The following IMMP2L variants were observed in gnomAD, a reference collection of about 807,000 sequenced individuals.
The protein encoded by IMMP2L is mitochondrial inner membrane protease subunit 2.
A neutral mutation model predicts 19.3 loss-of-function variants in IMMP2L; 18 were observed. The observed-to-expected ratio is 0.93, with a 90% CI of 0.64 to 1.38. The LOEUF (loss-of-function observed/expected upper bound fraction) is 1.38, where lower values mean the gene tolerates loss of function less well. Ranked by LOEUF, IMMP2L falls within the 40% of genes most tolerant of loss-of-function variation. The probability of loss-of-function intolerance (pLI) is 0.00; values close to 1 mark genes in which losing one functional copy is unlikely to be tolerated. For missense variants in IMMP2L, 233 were observed against 218.2 expected (o/e 1.07, Z -0.43); for synonymous variants, 76 against 73.0 (o/e 1.04, Z -0.21).
rs181618140 is a variant in IMMP2L at position 110,953,331 on chromosome 7, G to A, written c.305+10169C>T. 1.3e-3 allele frequency among the ~76,000 whole-genome samples: 158 copies of A among 121,892 alleles called. 1 individual carries two copies. The highest frequency in any genetic ancestry group is 0.012 in the Middle Eastern group (3 of 248). The allele number at this position is 121,892 out of a possible 152,430, so 80.0% of individuals were successfully genotyped here. A position where few individuals can be genotyped will look rare whatever the true frequency, so the allele number is the denominator to read the frequency against. ...TCCCTCTCCTTGTCCCCCACCCCCC[G>A]ACAGGCCCCAGTGTGTGATGTTCCC... On this transcript the variant is annotated intron_variant, in intron 4 of 5. Coordinates refer to ENST00000405709, the MANE Select transcript of IMMP2L (RefSeq NM_032549.4).
chr7:111,094,592 T>G (rs1296795324), intron 3 of IMMP2L, among the ~76,000 whole-genome samples: 1 of 152,178 alleles, frequency 6.6e-6, no homozygotes, highest in African/African-American at 2.4e-5. Flanking sequence ...ATCTTGTCAG[T>G]GCTGTCAAAG....
chr7:111,342,187 A>C (rs1023206255), intron 3 of IMMP2L, among the ~76,000 whole-genome samples: 6 of 152,198 alleles, frequency 3.9e-5, no homozygotes, highest in Non-Finnish European at 8.8e-5. Context: ...GAGGAAGGTT[A>C]GATTTGACTT....
chr7:111,521,883 C>T (rs1846366077), intron 1 of IMMP2L, among the ~76,000 whole-genome samples: 1 of 152,052 alleles, frequency 6.6e-6, no homozygotes, highest in Non-Finnish European at 1.5e-5. Flanking sequence ...CTAATTGTGA[C>T]CATGTCACTG....
At chr7:110,742,989 T>G (rs1056411322) in intron 5 of IMMP2L, among the ~76,000 whole-genome samples, 1 of 151,542 alleles carries the variant, frequency 6.6e-6, no homozygotes, top group African/African-American at 2.4e-5. Context: ...TCTAGGGAAT[T>G]CTATTAGTGG....
intron 3 of IMMP2L, among the ~76,000 whole-genome samples, chr7:111,120,326 T>C (rs1393854447): frequency 6.6e-6 from 1 of 152,122 alleles, no homozygotes; most frequent in South Asian, 2.1e-4. Flanking sequence ...TCATGGCAGA[T>C]GGCAAAAGGC....
chr7:110,876,689 A>G (rs951008632), intron 5 of IMMP2L, among the ~76,000 whole-genome samples: 4 of 152,094 alleles, frequency 2.6e-5, no homozygotes, highest in African/African-American at 9.7e-5. Context: ...TTTTATTACT[A>G]CCACCTTTGC....
chr7:111,164,160 GAAGGCAGGAAGGCAGA>G (rs1200059589), intron 3 of IMMP2L, among the ~76,000 whole-genome samples: 8 of 151,452 alleles, frequency 5.3e-5, no homozygotes, highest in African/African-American at 1.5e-4. Flanking sequence ...AGGAAGGAAG[GAAGGCAGGAAGGCAGA>G]AAGGCAGGAA....
intron 3 of IMMP2L, among the ~76,000 whole-genome samples, chr7:111,215,716 T>C (rs1036217254): frequency 6.6e-6 from 1 of 152,140 alleles, no homozygotes; most frequent in Non-Finnish European, 1.5e-5. Context: ...AAAACATTAA[T>C]TTTCTCCTCT....
intron 3 of IMMP2L, among the ~76,000 whole-genome samples, chr7:111,165,095 G>A (rs945305033): frequency 3.3e-5 from 5 of 151,978 alleles, no homozygotes; most frequent in South Asian, 2.1e-4. Flanking sequence ...CACATCCGGG[G>A]CCCCTGGCAA....
chr7:111,276,645 A>C (rs538780366), intron 3 of IMMP2L, among the ~76,000 whole-genome samples: 1 of 151,900 alleles, frequency 6.6e-6, no homozygotes, highest in Non-Finnish European at 1.5e-5. Context: ...GGAACCGAAA[A>C]AAAAAAAAAA....
At chr7:110,912,866 A>G (rs1813209392) in intron 4 of IMMP2L, among the ~76,000 whole-genome samples, 1 of 151,930 alleles carries the variant, frequency 6.6e-6, no homozygotes, top group Non-Finnish European at 1.5e-5. Flanking sequence ...AACCCACACT[A>G]TGAGAACTTG....
intron 3 of IMMP2L, among the ~76,000 whole-genome samples, chr7:110,999,875 G>A (rs1238621970): frequency 1.3e-5 from 2 of 152,104 alleles, no homozygotes; most frequent in Non-Finnish European, 2.9e-5. Flanking sequence ...TTTGTGTGGA[G>A]TACTAAAGCA....
chr7:110,762,604 A>G (rs1798416996), intron 5 of IMMP2L, among the ~76,000 whole-genome samples: 2 of 152,068 alleles, frequency 1.3e-5, no homozygotes, highest in South Asian at 4.1e-4. Context: ...CAAGCACCAA[A>G]TATTATTTTT....
rs545080154 is a variant in IMMP2L, at chr7:110,953,938, CAT to C, written c.305+9560_305+9561del. 4.2e-3 allele frequency among the ~76,000 whole-genome samples: 641 copies of C among 152,100 alleles called. 2 individuals carry two copies. The highest frequency in any genetic ancestry group is 7.0e-3 in the Non-Finnish European group (477 of 67,980). ...GACCAGTGATGATGAGCTTTTTTCA[CAT>C]GTTTGTTGGCTGCATAAATGTCTTC... On this transcript the variant is annotated intron_variant, in intron 4 of 5. Transcript: ENST00000405709.
At chr7:110,755,339 A>C (rs1797975895) in intron 5 of IMMP2L, among the ~76,000 whole-genome samples, 2 of 152,146 alleles carry the variant, frequency 1.3e-5, no homozygotes, top group Admixed American at 1.3e-4. Flanking sequence ...AGCTGCCATT[A>C]GTAATTTCTA....
At chr7:110,860,487 A>G (rs763760872) in intron 5 of IMMP2L, among the ~76,000 whole-genome samples, 2 of 152,114 alleles carry the variant, frequency 1.3e-5, no homozygotes, top group African/African-American at 2.4e-5. Context: ...CTTAAATTCT[A>G]TACTTTCAGG....
chr7:110,720,584 A>T (rs1432867428), intron 5 of IMMP2L, among the ~76,000 whole-genome samples: 4 of 152,192 alleles, frequency 2.6e-5, no homozygotes, highest in African/African-American at 7.2e-5. Context: ...CATACAATAA[A>T]ACAATTTAAA....
intron 3 of IMMP2L, among the ~76,000 whole-genome samples, chr7:111,164,531 A>C (rs1805622537): frequency 6.6e-6 from 1 of 152,050 alleles, no homozygotes; most frequent in South Asian, 2.1e-4. Flanking sequence ...AATGGGATGA[A>C]AGAGTGGAGT....
At chr7:111,047,909 C>A (rs902265013) in intron 3 of IMMP2L, among the ~76,000 whole-genome samples, 13 of 151,772 alleles carry the variant, frequency 8.6e-5, no homozygotes, top group Non-Finnish European at 1.8e-4. Context: ...TGCCTGCCAT[C>A]CCCCCAAAAA....
Sources: allele counts gnomAD v4.1 joint callset (sites outside exome capture counted in the v4.1 genomes callset), GRCh38; gene constraint gnomAD v4.1.1; transcripts MANE v1.5; gene names NCBI Gene and HGNC (gene_info 2026-07-23, HGNC 2026-07-21).